Variants in GALNT14 observed in about 807,000 individuals in gnomAD.
The protein encoded by GALNT14 is UDP-GalNAc:polypeptide N-acetylgalactosaminyltransferase 14.
GALNT14 carries 60 observed loss-of-function variants against 77.5 expected under a neutral mutation model. The ratio of observed to expected loss-of-function variants is 0.77; its 90% CI spans 0.63 to 0.96. The LOEUF (loss-of-function observed/expected upper bound fraction) is 0.96. GALNT14 is among the 40% of genes least tolerant of loss of function. GALNT14 has a pLI of 0.00. For missense variants in GALNT14, 710 were observed against 731.0 expected, an observed-to-expected ratio of 0.97 and a Z score of 0.33; for synonymous variants, 280 against 281.7, an observed-to-expected ratio of 0.99 and a Z score of 0.06.
At chr2:31,055,356 T>A (rs981332303) in intron 1 of GALNT14, among the ~76,000 whole-genome samples, 1 of 152,228 alleles carries the variant, frequency 6.6e-6, no homozygotes, top group Non-Finnish European at 1.5e-5. Flanking sequence ...TTCTGACCTT[T>A]GAATAGCACT....
intron 1 of GALNT14, among the ~76,000 whole-genome samples, chr2:30,999,609 G>C (rs897704958): frequency 6.6e-6 from 1 of 152,188 alleles, no homozygotes; most frequent in Non-Finnish European, 1.5e-5. Flanking sequence ...GCTATGAAAA[G>C]GGAGATATCA....
At chr2:31,001,655 C>T (rs1670374723) in intron 1 of GALNT14, among the ~76,000 whole-genome samples, 1 of 151,898 alleles carries the variant, frequency 6.6e-6, no homozygotes, top group Admixed American at 6.6e-5. Context: ...CACAAGGAAA[C>T]AAGTCACTAT....
intron 1 of GALNT14, among the ~76,000 whole-genome samples, chr2:31,080,277 T>C (rs1426147564): frequency 6.6e-6 from 1 of 152,186 alleles, no homozygotes; most frequent in Non-Finnish European, 1.5e-5. Context: ...TCAGATAAAA[T>C]ACAGGACACT....
chr2:31,061,129 C>A (rs1487338454), intron 1 of GALNT14, among the ~76,000 whole-genome samples: 2 of 152,146 alleles, frequency 1.3e-5, no homozygotes, highest in Non-Finnish European at 2.9e-5. Flanking sequence ...CTGAGCTCAA[C>A]CCCTTACCAG....
intron 2 of GALNT14, among the ~76,000 whole-genome samples, chr2:30,978,979 A>G (rs909200328): frequency 6.6e-6 from 1 of 152,178 alleles, no homozygotes; most frequent in Non-Finnish European, 1.5e-5. Flanking sequence ...CTCCCAAAAC[A>G]CAAAAGGGCA....
chr2:31,017,626 A>C (rs573417170), intron 1 of GALNT14, among the ~76,000 whole-genome samples: 1 of 152,124 alleles, frequency 6.6e-6, no homozygotes, highest in East Asian at 1.9e-4. Flanking sequence ...CTGGGGGCCC[A>C]CTCTGCAAGA....
chr2:31,027,427 C>CAAA (rs539336965), intron 1 of GALNT14, among the ~76,000 whole-genome samples: 6 of 58,792 alleles, frequency 1.0e-4, no homozygotes, highest in African/African-American at 1.8e-4. Flanking sequence ...CAAAACAAAG[C>CAAA]AAAAAAAAAA....
At chr2:30,938,305 C>A (rs1226433907) in intron 9 of GALNT14, among the ~76,000 whole-genome samples, 1 of 133,322 alleles carries the variant, frequency 7.5e-6, no homozygotes, top group Non-Finnish European at 1.6e-5. Flanking sequence ...CACACATACA[C>A]CCTACACACA....
At chr2:31,128,142 C>G (rs540092189) in intron 1 of GALNT14, among the ~76,000 whole-genome samples, 1 of 152,244 alleles carries the variant, frequency 6.6e-6, no homozygotes, top group East Asian at 1.9e-4. Flanking sequence ...CTAAGTTTAA[C>G]CACATATGTG....
At chr2:31,091,309 AG>A (rs1416713171) in intron 1 of GALNT14, among the ~76,000 whole-genome samples, 5 of 152,266 alleles carry the variant, frequency 3.3e-5, no homozygotes, top group African/African-American at 1.2e-4. Flanking sequence ...CTATAAATAA[AG>A]TTTTATTGGA....
chr2:31,035,864 G>A lies in GALNT14; in HGVS notation c.130-42857C>T, dbSNP rs1573211985. 2.0e-5 allele frequency among the ~76,000 whole-genome samples: 3 copies of A among 152,104 alleles called. No homozygotes were observed. The East Asian group carries it at 5.8e-4, about 30-fold the overall frequency. On this transcript the variant is annotated intron_variant, in intron 1 of 14. Coordinates refer to ENST00000349752, the MANE Select transcript of GALNT14 (RefSeq NM_024572.4). ...TAGACACTGGGGACTACTGTAGGGT[G>A]GATGGTGGGAGGGGGGACAGGATAA...
intron 1 of GALNT14, among the ~76,000 whole-genome samples, chr2:31,116,771 G>A (rs576962468): frequency 2.0e-5 from 3 of 152,256 alleles, no homozygotes; most frequent in South Asian, 2.1e-4. Flanking sequence ...TTGGCCAGGC[G>A]TGGTAGCTCA....
In GALNT14 at chr2:31,138,097, G is replaced by C. The variant is rs370993145; in HGVS notation, c.-11C>G. On this transcript the variant is annotated 5_prime_UTR_variant, in exon 1 of 15. Transcript: ENST00000349752. ...AGTCAGGCGCCGCATGGTCCCCTTT[G>C]CCGCTTCCTCTCCGCGGCGCTACGT... 1 of 1,613,556 alleles carries C rather than the reference G, an allele frequency of 6.2e-7. No individual in the cohort carries two copies. Among genetic ancestry groups the C allele is most frequent in the Non-Finnish European group, 8.5e-7 (1 of 1,179,722 alleles).
In GALNT14 at chr2:30,992,918, G is replaced by A; in HGVS notation, c.219C>T (p.Pro73=). The stretch of plus-strand genomic sequence containing the variant: ...GCTGGTTGAAAGCATACAGCTTATA[G>A]GGGTCGTCACCAACGCGCCACTTTT... ...NAKKWRVGDD[P]YKLYAFNQRE... is the part of the protein sequence containing the mutation. The change falls in exon 2 of 15, where the codon CCC becomes CCT. Residue 73 remains proline (P), a synonymous_variant. Transcript: ENST00000349752. The A allele has an allele frequency of 6.2e-7, 1 of 1,614,200 alleles. No individual in the cohort carries two copies. Among genetic ancestry groups the A allele is most frequent in the Non-Finnish European group, 8.5e-7 (1 of 1,180,034 alleles).
In GALNT14 at chr2:31,083,959, C is replaced by T. The variant is rs533647490; in HGVS notation, c.129+53999G>A. 1.6e-4 allele frequency among the ~76,000 whole-genome samples: 25 copies of T among 152,236 alleles called. 1 individual carries two copies. The South Asian group carries it at 1.9e-3, about 11-fold the overall frequency. ...GGTTGGTGAGCTGCCGGGGATCTCG[C>T]GGTTTTCTCAGGGATTTATGGGTGG... On this transcript the variant is annotated intron_variant, in intron 1 of 14. Transcript: ENST00000349752.
At chr2:30,899,840 G>A in the GALNT14 span, among the ~76,000 whole-genome samples, 1 of 152,224 alleles carries the variant, frequency 6.6e-6, no homozygotes, top group Non-Finnish European at 1.5e-5. Context: ...GAGGGAGCTC[G>A]GGCGGTTAGC....
At chr2:31,096,438 A>G (rs1250080166) in intron 1 of GALNT14, among the ~76,000 whole-genome samples, 1 of 152,154 alleles carries the variant, frequency 6.6e-6, no homozygotes, top group Non-Finnish European at 1.5e-5. Flanking sequence ...GTTTCCTCCT[A>G]TGAAGTTGAG....
chr2:31,010,021 T>G (rs1670919055), intron 1 of GALNT14, among the ~76,000 whole-genome samples: 3 of 152,242 alleles, frequency 2.0e-5, no homozygotes, highest in African/African-American at 7.2e-5. Context: ...AGTCTTGCTC[T>G]GTCACCCATG....
chr2:31,137,496 C>G (rs2148657291), intron 1 of GALNT14, among the ~76,000 whole-genome samples: 1 of 152,286 alleles, frequency 6.6e-6, no homozygotes, highest in East Asian at 1.9e-4. Flanking sequence ...AACGCACAGG[C>G]GCGCGCGGCG....
Sources: gnomAD v4.1 joint callset for allele counts (sites outside exome capture counted in the v4.1 genomes callset) on GRCh38, gnomAD v4.1.1 for gene constraint, MANE v1.5 for transcripts, NCBI Gene and HGNC (gene_info 2026-07-23, HGNC 2026-07-21) for gene names.